Variants in ANKS1B observed in about 807,000 individuals in gnomAD.
ANKS1B encodes ankyrin repeat and sterile alpha motif domain containing 1B.
In ANKS1B, 36 loss-of-function variants were observed where a neutral mutation model predicts 148.3. The observed-to-expected ratio is 0.24, with a 90% confidence interval of 0.19 to 0.32. The LOEUF (loss-of-function observed/expected upper bound fraction) is 0.32. Ranked by LOEUF, ANKS1B falls within the 10% of genes least tolerant of loss-of-function variation. The pLI, the probability that ANKS1B is intolerant of heterozygous loss-of-function variation, is 1.00. For missense variants in ANKS1B, 1,157 were observed against 1,542.6 expected (o/e 0.75, Z 4.19); for synonymous variants, 542 against 560.8 (o/e 0.97, Z 0.47).
chr12:99,189,421 G>A (rs758421501), intron 14 of ANKS1B, among the ~76,000 whole-genome samples: 5 of 152,158 alleles, frequency 3.3e-5, no homozygotes, highest in African/African-American at 7.2e-5. Flanking sequence ...TATCCCTGAT[G>A]AACATCAATG....
At chr12:99,274,492 G>C (rs1247422679) in intron 12 of ANKS1B, among the ~76,000 whole-genome samples, 1 of 152,080 alleles carries the variant, frequency 6.6e-6, no homozygotes, top group Non-Finnish European at 1.5e-5. Flanking sequence ...TATTACAAAA[G>C]TCTCCTTTCC....
chr12:99,607,590 A>G (rs2097860231), intron 9 of ANKS1B, among the ~76,000 whole-genome samples: 1 of 152,128 alleles, frequency 6.6e-6, no homozygotes, highest in South Asian at 2.1e-4. Flanking sequence ...ACTTTAAGCC[A>G]CATGCCAGGT....
chr12:99,314,974 G>A (rs574273789), intron 12 of ANKS1B, among the ~76,000 whole-genome samples: 2 of 152,172 alleles, frequency 1.3e-5, no homozygotes, highest in Non-Finnish European at 2.9e-5. Flanking sequence ...GCTGGGCGTG[G>A]TGGCTCACAC....
At chr12:99,196,329 T>G (rs1285181301) in intron 14 of ANKS1B, among the ~76,000 whole-genome samples, 1 of 152,192 alleles carries the variant, frequency 6.6e-6, no homozygotes, top group Non-Finnish European at 1.5e-5. Context: ...GGATACTTGC[T>G]CTTATTTCCT....
chr12:99,363,172 A>G (rs2092584288), intron 12 of ANKS1B, among the ~76,000 whole-genome samples: 1 of 152,134 alleles, frequency 6.6e-6, no homozygotes, highest in South Asian at 2.1e-4. Flanking sequence ...CTAAATGTTT[A>G]GAAGACTTCA....
intron 17 of ANKS1B, among the ~76,000 whole-genome samples, chr12:99,029,472 G>A (rs1405729146): frequency 6.6e-6 from 1 of 152,210 alleles, no homozygotes; most frequent in African/African-American, 2.4e-5. Flanking sequence ...TGTATGAAGG[G>A]TGAATTGCTC....
chr12:99,203,609 C>G (rs192366847), intron 14 of ANKS1B, among the ~76,000 whole-genome samples: 1 of 152,188 alleles, frequency 6.6e-6, no homozygotes, highest in Admixed American at 6.5e-5. Flanking sequence ...CGCCACCAAG[C>G]CCGACAAATT....
intron 17 of ANKS1B, among the ~76,000 whole-genome samples, chr12:99,052,466 G>A (rs909679736): frequency 8.7e-5 from 13 of 148,700 alleles, no homozygotes; most frequent in African/African-American, 2.8e-4. Context: ...GGTGGCTCAC[G>A]CCTGTAATCC....
intron 8 of ANKS1B, among the ~76,000 whole-genome samples, chr12:99,690,716 T>C (rs1003573059): frequency 1.3e-5 from 2 of 152,220 alleles, no homozygotes; most frequent in African/African-American, 2.4e-5. Context: ...ACAGCCCCCA[T>C]ACTGGCTGCT....
At chr12:99,961,733 A>G (rs2095414856) in intron 1 of ANKS1B, among the ~76,000 whole-genome samples, 1 of 152,190 alleles carries the variant, frequency 6.6e-6, no homozygotes, top group South Asian at 2.1e-4. Context: ...TGTGGAGAAA[A>G]TAGGTATCTA....
intron 8 of ANKS1B, among the ~76,000 whole-genome samples, chr12:99,700,852 G>A (rs1299571382): frequency 6.6e-6 from 1 of 152,132 alleles, no homozygotes; most frequent in Non-Finnish European, 1.5e-5. Context: ...GATTGCCCTT[G>A]ACAGTCTCAG....
chr12:99,825,695 T>C (rs575642532), intron 1 of ANKS1B, among the ~76,000 whole-genome samples: 1 of 152,334 alleles, frequency 6.6e-6, no homozygotes, highest in African/African-American at 2.4e-5. Flanking sequence ...ACTTAAATAT[T>C]AGAAGCAACT....
At chr12:99,583,329 T>C (rs750960538) in intron 9 of ANKS1B, among the ~76,000 whole-genome samples, 1 of 152,182 alleles carries the variant, frequency 6.6e-6, no homozygotes, top group Non-Finnish European at 1.5e-5. Flanking sequence ...GTATATAAAC[T>C]GTCATTTCTT....
intron 12 of ANKS1B, among the ~76,000 whole-genome samples, chr12:99,277,218 T>G (rs1355762227): frequency 6.6e-6 from 1 of 152,228 alleles, no homozygotes; most frequent in Non-Finnish European, 1.5e-5. Context: ...GCCATGTAGT[T>G]CTTAGTAAAT....
chr12:98,796,039 T>C (rs1468233227), intron 22 of ANKS1B, among the ~76,000 whole-genome samples: 1 of 152,212 alleles, frequency 6.6e-6, no homozygotes, highest in Non-Finnish European at 1.5e-5. Flanking sequence ...AGATCGTCTA[T>C]TATGATCCCT....
At chr12:98,948,774 C>T (rs964222605) in intron 17 of ANKS1B, among the ~76,000 whole-genome samples, 1 of 144,654 alleles carries the variant, frequency 6.9e-6, no homozygotes, top group Non-Finnish European at 1.5e-5. Context: ...CACACCCCCC[C>T]CCACACACAC....
chr12:99,930,324 C>T (rs979881329), intron 1 of ANKS1B, among the ~76,000 whole-genome samples: 20 of 152,018 alleles, frequency 1.3e-4, no homozygotes, highest in African/African-American at 4.8e-4. Context: ...TATAAGAATG[C>T]TTGTGATTTT....
At chr12:99,734,450 C>T (rs1967184) in intron 8 of ANKS1B, among the ~76,000 whole-genome samples, 27,670 of 152,038 alleles carry the variant, frequency 0.18, 2,972 homozygotes, top group Middle Eastern at 0.24. Flanking sequence ...TGCGCCACCA[C>T]GCATGGCTAA....
chr12:99,654,962 G>T, intron 9 of ANKS1B, 105 bp downstream of exon 9: 1 of 1,291,598 alleles, frequency 7.7e-7, no homozygotes, highest in Non-Finnish European at 1.0e-6. Flanking sequence ...AAATCACAAA[G>T]TGAACAAGAT....
Sources: allele counts gnomAD v4.1 joint callset (sites outside exome capture counted in the v4.1 genomes callset), GRCh38; gene constraint gnomAD v4.1.1; transcripts MANE v1.5; gene names NCBI Gene and HGNC (gene_info 2026-07-23, HGNC 2026-07-21).